Variants in FGD2 observed in about 807,000 individuals in gnomAD.
FGD2 encodes FYVE, RhoGEF and PH domain-containing protein 2.
A neutral mutation model predicts 75.9 loss-of-function variants in FGD2; 52 were observed. The ratio of observed to expected loss-of-function variants is 0.69; its 90% CI spans 0.55 to 0.86. The LOEUF (loss-of-function observed/expected upper bound fraction) is 0.86. Ranked by LOEUF, FGD2 falls within the 40% of genes least tolerant of loss-of-function variation. The probability of loss-of-function intolerance (pLI) is 0.00; values close to 1 mark genes in which losing one functional copy is unlikely to be tolerated. For missense variants in FGD2, 790 were observed against 872.0 expected, an observed-to-expected ratio of 0.91 and a Z score of 1.18; for synonymous variants, 347 against 348.6, an observed-to-expected ratio of 1.00 and a Z score of 0.05.
Position 37,028,199 on chromosome 6 carries a change from A to C in FGD2, c.*36A>C, listed in dbSNP as rs1472386424. 9 of 1,482,076 alleles carry C rather than the reference A, an allele frequency of 6.1e-6. No individual in the cohort carries two copies. The highest frequency in any genetic ancestry group is 4.9e-5 in the East Asian group (2 of 41,222). The allele number at this position is 1,482,076 out of a possible 1,614,324, so 91.8% of individuals were successfully genotyped here. A position where few individuals can be genotyped will look rare whatever the true frequency, so the allele number is the denominator to read the frequency against. On this transcript the variant is annotated 3_prime_UTR_variant, in exon 16 of 16. Coordinates refer to ENST00000274963, the MANE Select transcript of FGD2 (RefSeq NM_173558.4). Reference sequence around the variant, plus strand: ...GCCGCTCTCCTGCCCACCTCTCCCCACCCTGAACCCAGCTCCTGCCACAGA... The same window carrying C: ...GCCGCTCTCCTGCCCACCTCTCCCCCCCCTGAACCCAGCTCCTGCCACAGA...
intron 2 of FGD2, 144 bp downstream of exon 2, chr6:37,009,209 T>A: frequency 1.4e-6 from 1 of 721,548 alleles, no homozygotes; most frequent in East Asian, 2.8e-5. Context: ...GGAGCTAGAT[T>A]TCCCCATGCT....
intron 1 of FGD2, 97 bp downstream of exon 1, chr6:37,005,982 C>T (rs2150764570): frequency 7.2e-7 from 1 of 1,380,564 alleles, no homozygotes; most frequent in East Asian, 2.3e-5. Flanking sequence ...CCCGGACCCT[C>T]CTCCTGCAGG....
In FGD2 at chr6:37,022,308, C is replaced by A. The variant is rs569019697; in HGVS notation, c.1396C>A (p.Arg466Ser). ...VRDKMVTMCMRCQEPFNALTR... is the reference protein window; with the variant it reads ...VRDKMVTMCMSCQEPFNALTR... ...GGACAAGATGGTGACCATGTGCATGCGCTGCCAGGAGCCCTTCAACGCTCT... is the reference window on the plus strand; with the variant it reads ...GGACAAGATGGTGACCATGTGCATGAGCTGCCAGGAGCCCTTCAACGCTCT... The change falls in exon 13 of 16, where the codon CGC (arginine) becomes AGC (serine). Residue 466 changes from arginine (R) to serine (S), a missense_variant. By Grantham distance (110) the Arg-to-Ser change is moderately radical. Transcript: ENST00000274963. 2 of 1,588,476 alleles carry A rather than the reference C, an allele frequency of 1.3e-6. No individual in the cohort carries two copies. The highest frequency in any genetic ancestry group is 1.9e-5 in the Admixed American group (1 of 53,762).
At position 37,022,259 on chromosome 6, in the gene FGD2, C is replaced by A; in HGVS notation, c.1347C>A (p.Gly449=). 6.3e-7 allele frequency: 1 copy of A among 1,594,168 alleles called. No homozygotes were observed. The highest frequency in any genetic ancestry group is 1.1e-5 in the South Asian group (1 of 89,558). ...CACAGCTGCAGTCTGAGGAGCTGGG[C>A]CTCCGGGCACCGCAGTGGGTCCGGG... ...QEQELQSEEL[G]LRAPQWVRDK... is the part of the protein sequence containing the mutation. The change falls in exon 13 of 16, where the codon GGC becomes GGA. Residue 449 remains glycine, a synonymous_variant. Transcript: ENST00000274963.
In FGD2 at chr6:37,011,043, T is replaced by C. The variant is rs760776321; in HGVS notation, c.371T>C (p.Leu124Pro). The C allele has an allele frequency of 6.2e-7, 1 of 1,614,114 alleles. No homozygotes were observed. Among genetic ancestry groups the C allele is most frequent in the South Asian group, 1.1e-5 (1 of 91,078 alleles). ...EQAYVARLHL[L>P]DQVFFQELLK... is the part of the protein sequence containing the mutation. ...GCCTATGTGGCGCGCCTCCACCTGC[T>C]AGACCAGGCCAGTGACCAGGACACC... The change falls in exon 3 of 16, where the codon CTA becomes CCA. Residue 124 changes from leucine to proline, a missense_variant. Coordinates refer to ENST00000274963, the MANE Select transcript of FGD2 (RefSeq NM_173558.4).
At chr6:37,027,807 C>T (rs1765900173) in intron 15 of FGD2, 141 bp from the exon 16 acceptor site, 2 of 1,066,332 alleles carry the variant, frequency 1.9e-6, no homozygotes, top group Non-Finnish European at 2.7e-6. Flanking sequence ...TCCTCTTCCT[C>T]GATGGCCTTC....
chr6:37,026,626 C>G (rs1765833343), intron 14 of FGD2, among the ~76,000 whole-genome samples: 1 of 152,198 alleles, frequency 6.6e-6, no homozygotes, highest in African/African-American at 2.4e-5. Context: ...CTCACGAAGG[C>G]CAGGTTGACA....
chr6:37,025,675 T>C (rs1372357786), intron 13 of FGD2, 117 bp from the exon 14 acceptor site: 16 of 1,110,726 alleles, frequency 1.4e-5, no homozygotes, highest in East Asian at 1.4e-4. Context: ...CCCTCGAAGC[T>C]TTCTTTTCCT....
chr6:37,013,543 C>A, intron 4 of FGD2, 66 bp from the exon 5 acceptor site: 1 of 1,563,404 alleles, frequency 6.4e-7, no homozygotes, highest in Admixed American at 1.8e-5. Flanking sequence ...CCTGGCCTCA[C>A]CTGGCCCTAT....
At chr6:37,011,323 A>G in intron 3 of FGD2, 1 of 568,450 alleles carries the variant, frequency 1.8e-6, no homozygotes, top group Non-Finnish European at 3.1e-6. Flanking sequence ...CGGTATCTTC[A>G]TCTGTCATCT....
intron 9 of FGD2, among the ~76,000 whole-genome samples, chr6:37,016,978 A>G (rs1021597419): frequency 2.0e-5 from 3 of 152,232 alleles, no homozygotes; most frequent in African/African-American, 7.2e-5. Context: ...TCCTGAAGGC[A>G]ATCCTTGCTT....
chr6:37,012,065 G>A (rs1463980833), intron 4 of FGD2: 2 of 541,052 alleles, frequency 3.7e-6, no homozygotes, highest in Non-Finnish European at 6.3e-6. Flanking sequence ...CTGGGGAAAG[G>A]GGTGGATCAG....
chr6:37,028,148 G>A lies in FGD2; in HGVS notation c.1953G>A (p.Gly651=), dbSNP rs145414910. The change falls in exon 16 of 16, where the codon GGG becomes GGA. Residue 651 remains glycine (G), a synonymous_variant. Transcript: ENST00000274963. The stretch of plus-strand genomic sequence containing the variant: ...GGAGCCCCAGCTGGCCCAACGATGG[G>A]GACCTGTCCGACTGAGCCACTGCCA... ...SGWSPSWPND[G]DLSD 1.2e-4 allele frequency: 188 copies of A among 1,592,802 alleles called. No individual in the cohort carries two copies. The African/African-American group carries it at 2.3e-3, about 20-fold the overall frequency.
At chr6:37,008,613 A>G (rs1472814862) in intron 1 of FGD2, among the ~76,000 whole-genome samples, 1 of 152,162 alleles carries the variant, frequency 6.6e-6, no homozygotes, top group Non-Finnish European at 1.5e-5. Flanking sequence ...CAGAAAATAA[A>G]ATATAGTCCA....
chr6:37,007,829 G>C (rs1764823864), intron 1 of FGD2, among the ~76,000 whole-genome samples: 1 of 152,214 alleles, frequency 6.6e-6, no homozygotes, highest in Non-Finnish European at 1.5e-5. Flanking sequence ...GGGTGCCAGG[G>C]AGGGGTGGGA....
intron 3 of FGD2, 45 bp from the exon 4 acceptor site, chr6:37,011,661 T>G (rs367821536): frequency 4.0e-5 from 64 of 1,612,354 alleles, no homozygotes; most frequent in Non-Finnish European, 5.2e-5. Context: ...GATGTGTGGG[T>G]GGCTCCCTGT....
At chr6:37,026,051 A>T in intron 14 of FGD2, 113 bp downstream of exon 14, 1 of 1,486,160 alleles carries the variant, frequency 6.7e-7, no homozygotes, top group South Asian at 1.3e-5. Flanking sequence ...AGCCATGGTC[A>T]CACCCTCCCC....
At chr6:37,020,179 T>C (rs1360541262) in intron 9 of FGD2, among the ~76,000 whole-genome samples, 1 of 152,234 alleles carries the variant, frequency 6.6e-6, no homozygotes, top group African/African-American at 2.4e-5. Context: ...TGTTTTATTA[T>C]GAAAATTTTA....
chr6:37,026,764 C>A (rs1277223357), intron 14 of FGD2, among the ~76,000 whole-genome samples: 1 of 152,106 alleles, frequency 6.6e-6, no homozygotes, highest in East Asian at 1.9e-4. Flanking sequence ...CTTTGGGAGG[C>A]CAAGGTGGAT....
Sources: allele counts gnomAD v4.1 joint callset (sites outside exome capture counted in the v4.1 genomes callset), GRCh38; gene constraint gnomAD v4.1.1; transcripts MANE v1.5; gene names NCBI Gene and HGNC (gene_info 2026-07-23, HGNC 2026-07-21).